The following STARD13 variants were observed in gnomAD, a reference collection of about 807,000 sequenced individuals.
The protein encoded by STARD13 is stAR-related lipid transfer protein 13.
Under a neutral mutation model 106.4 loss-of-function variants are expected in STARD13, and 62 were observed. The ratio of observed to expected loss-of-function variants is 0.58; its 90% CI spans 0.48 to 0.72. STARD13 has a LOEUF of 0.72. Among genes scored for constraint, STARD13 ranks in the 30% least tolerant of loss-of-function variants. The probability of loss-of-function intolerance (pLI) is 0.00; values close to 1 mark genes in which losing one functional copy is unlikely to be tolerated. For synonymous variants in STARD13, 565 were observed against 553.0 expected, an observed-to-expected ratio of 1.02 and a Z score of -0.31; for missense variants, 1,387 against 1,424.0, an observed-to-expected ratio of 0.97 and a Z score of 0.42.
At chr13:33,235,375 C>T (rs1246129090) in intron 1 of STARD13, among the ~76,000 whole-genome samples, 2 of 152,172 alleles carry the variant, frequency 1.3e-5, no homozygotes, top group Admixed American at 6.5e-5. Context: ...GAAAATAAGG[C>T]TGGCAATAAC....
chr13:33,555,646 A>T, the STARD13 span, among the ~76,000 whole-genome samples: 1 of 152,242 alleles, frequency 6.6e-6, no homozygotes, highest in Non-Finnish European at 1.5e-5. Flanking sequence ...TAATGGAAAG[A>T]GTAAACAACT....
intron 1 of STARD13, among the ~76,000 whole-genome samples, chr13:33,238,494 T>G (rs977773730): frequency 6.6e-6 from 1 of 152,272 alleles, no homozygotes; most frequent in South Asian, 2.1e-4. Flanking sequence ...AAGTAGATCA[T>G]CTATTTTATA....
chr13:33,365,112 A>G, the STARD13 span, among the ~76,000 whole-genome samples: 1 of 152,156 alleles, frequency 6.6e-6, no homozygotes, highest in African/African-American at 2.4e-5. Context: ...AGATGACCAC[A>G]AAATGAAGGG....
At chr13:33,656,273 A>T in the STARD13 span, among the ~76,000 whole-genome samples, 116,533 of 152,040 alleles carry the variant, frequency 0.77, 49,093 homozygotes, top group South Asian at 0.96. Flanking sequence ...TATGGATGGA[A>T]GAAAGGGAAA....
chr13:33,666,620 G>T, the STARD13 span, among the ~76,000 whole-genome samples: 1 of 151,106 alleles, frequency 6.6e-6, no homozygotes, highest in East Asian at 2.0e-4. Context: ...ACAGAGTCAC[G>T]CTCTGTCACC....
chr13:33,575,342 A>G, the STARD13 span, among the ~76,000 whole-genome samples: 36,846 of 152,120 alleles, frequency 0.24, 5,362 homozygotes, highest in East Asian at 0.43. Context: ...ATTTTACCAT[A>G]TAAATGACTT....
chr13:33,449,081 CAA>C, the STARD13 span, among the ~76,000 whole-genome samples: 4 of 141,456 alleles, frequency 2.8e-5, no homozygotes, highest in African/African-American at 2.6e-5. Context: ...AATGCTGTGC[CAA>C]AAAAAAAAAA....
chr13:33,220,384 G>A (rs1017023256), intron 1 of STARD13, among the ~76,000 whole-genome samples: 1 of 152,158 alleles, frequency 6.6e-6, no homozygotes, highest in Non-Finnish European at 1.5e-5. Context: ...GGGTGAAGAT[G>A]ATCCCTTATA....
At chr13:33,311,757 C>T (rs1168529377) in intron 1 of STARD13, among the ~76,000 whole-genome samples, 1 of 152,198 alleles carries the variant, frequency 6.6e-6, no homozygotes, top group African/African-American at 2.4e-5. Flanking sequence ...AAGGCTGAGA[C>T]ATTCAAGAGC....
downstream of STARD13, among the ~76,000 whole-genome samples, chr13:33,348,308 T>C (rs189176508): frequency 5.3e-5 from 8 of 152,356 alleles, no homozygotes; most frequent in Admixed American, 4.6e-4. Flanking sequence ...CTACAGTTTA[T>C]TTCCCAGGAT....
chr13:33,558,345 CAAA>C, the STARD13 span, among the ~76,000 whole-genome samples: 1 of 151,752 alleles, frequency 6.6e-6, no homozygotes, highest in South Asian at 2.1e-4. Context: ...ATTTTAAAAA[CAAA>C]AAAGTACCTG....
intron 1 of STARD13, among the ~76,000 whole-genome samples, chr13:33,168,515 C>T (rs1343545335): frequency 6.6e-6 from 1 of 152,102 alleles, no homozygotes. Context: ...AATATGAATC[C>T]AAGGGGAAAG....
the STARD13 span, among the ~76,000 whole-genome samples, chr13:33,457,418 T>C: frequency 6.6e-6 from 1 of 152,236 alleles, no homozygotes; most frequent in Non-Finnish European, 1.5e-5. Flanking sequence ...AAAAGAACTT[T>C]CGTTTACAAA....
At chr13:33,449,566 A>G in the STARD13 span, among the ~76,000 whole-genome samples, 1 of 152,060 alleles carries the variant, frequency 6.6e-6, no homozygotes, top group South Asian at 2.1e-4. Context: ...TTTTTGCACA[A>G]TATTTCTTTG....
the STARD13 span, among the ~76,000 whole-genome samples, chr13:33,652,243 C>T: frequency 3.9e-5 from 6 of 152,156 alleles, no homozygotes; most frequent in African/African-American, 1.4e-4. Flanking sequence ...AGATATTCTC[C>T]CTCCTCAGCT....
the STARD13 span, among the ~76,000 whole-genome samples, chr13:33,433,532 G>C: frequency 1.3e-5 from 2 of 148,176 alleles, no homozygotes; most frequent in Non-Finnish European, 1.5e-5. Context: ...CTCCTGCTAC[G>C]TCACGTTCCG....
chr13:33,588,255 A>G, the STARD13 span, among the ~76,000 whole-genome samples: 16 of 152,330 alleles, frequency 1.1e-4, no homozygotes, highest in South Asian at 4.1e-4. Flanking sequence ...TAGATTCTCA[A>G]TGATCACCAC....
chr13:33,277,048 G>GAAA (rs60224228), intron 1 of STARD13, among the ~76,000 whole-genome samples: 4,625 of 57,676 alleles, frequency 0.08, 253 homozygotes, highest in African/African-American at 0.14. Context: ...CTAAGCTTCT[G>GAAA]AAAAAAAAAA....
At chr13:33,604,799 TAA>T in the STARD13 span, among the ~76,000 whole-genome samples, 12 of 137,666 alleles carry the variant, frequency 8.7e-5, no homozygotes, top group Non-Finnish European at 8.0e-5. Flanking sequence ...ACTTTGTCTT[TAA>T]AAAAAAAAAA....
Sources: gnomAD v4.1 joint callset for allele counts (sites outside exome capture counted in the v4.1 genomes callset) on GRCh38, gnomAD v4.1.1 for gene constraint, MANE v1.5 for transcripts, NCBI Gene and HGNC (gene_info 2026-07-23, HGNC 2026-07-21) for gene names.